Variants in GPHN observed in about 807,000 individuals in gnomAD.
The protein encoded by GPHN is gephyrin.
In GPHN, 17 loss-of-function variants were observed where a neutral mutation model predicts 95.5. The ratio of observed to expected loss-of-function variants is 0.18; its 90% CI spans 0.12 to 0.27. The LOEUF is 0.27. GPHN is among the 10% of genes least tolerant of loss of function. The pLI is 1.00. For synonymous variants in GPHN, 320 were observed against 322.5 expected, an observed-to-expected ratio of 0.99 and a Z score of 0.08; for missense variants, 660 against 978.1, an observed-to-expected ratio of 0.67 and a Z score of 4.34.
the GPHN span, among the ~76,000 whole-genome samples, chr14:67,456,895 T>C: frequency 1.3e-5 from 2 of 152,208 alleles, no homozygotes; most frequent in South Asian, 4.2e-4. Context: ...TCATTTATGG[T>C]GGAGTGGATA....
chr14:66,910,251 T>C (rs1185188672), intron 5 of GPHN, among the ~76,000 whole-genome samples: 1 of 151,964 alleles, frequency 6.6e-6, no homozygotes, highest in East Asian at 1.9e-4. Flanking sequence ...AGAGACTTTA[T>C]CTCAACCTTT....
chr14:66,829,724 A>C (rs2061514317), intron 4 of GPHN, among the ~76,000 whole-genome samples: 1 of 152,180 alleles, frequency 6.6e-6, no homozygotes, highest in South Asian at 2.1e-4. Context: ...GTTGAGTAAA[A>C]GCCTAGCATA....
At chr14:66,937,677 G>A (rs145997975) in intron 8 of GPHN, among the ~76,000 whole-genome samples, 66 of 152,106 alleles carry the variant, frequency 4.3e-4, no homozygotes, top group African/African-American at 1.4e-3. Flanking sequence ...GCACCTGGCC[G>A]CAAGATTATT....
intron 4 of GPHN, among the ~76,000 whole-genome samples, chr14:66,838,579 G>A (rs1279217145): frequency 6.6e-6 from 1 of 151,996 alleles, no homozygotes; most frequent in Non-Finnish European, 1.5e-5. Context: ...GAATACTTTG[G>A]TTTTGCAAAA....
intron 1 of GPHN, among the ~76,000 whole-genome samples, chr14:66,511,061 TC>T (rs2058024615): frequency 6.6e-6 from 1 of 152,204 alleles, no homozygotes; most frequent in Non-Finnish European, 1.5e-5. Context: ...TCAGGCTTTT[TC>T]TTGAAAGTTG....
the GPHN span, among the ~76,000 whole-genome samples, chr14:67,421,376 C>T: frequency 6.6e-6 from 1 of 152,098 alleles, no homozygotes; most frequent in Non-Finnish European, 1.5e-5. Context: ...TCAGACTGAG[C>T]TTATGTGGAC....
At chr14:67,120,097 G>A (rs1490157499) in intron 16 of GPHN, among the ~76,000 whole-genome samples, 1 of 149,624 alleles carries the variant, frequency 6.7e-6, no homozygotes, top group Non-Finnish European at 1.5e-5. Context: ...CTGCATTCCA[G>A]CCTGTGCAAC....
At chr14:66,703,221 A>C (rs751178351) in intron 2 of GPHN, among the ~76,000 whole-genome samples, 1 of 152,188 alleles carries the variant, frequency 6.6e-6, no homozygotes, top group Non-Finnish European at 1.5e-5. Context: ...TGGAAAACAC[A>C]CTTCAGGATA....
chr14:67,342,954 AT>A, the GPHN span, among the ~76,000 whole-genome samples: 1 of 152,140 alleles, frequency 6.6e-6, no homozygotes, highest in African/African-American at 2.4e-5. Context: ...CAAATGGGAA[AT>A]TTTTTAGAAA....
At position 66,581,228 on chromosome 14, in the gene GPHN, TA is replaced by T. The variant is rs55870261; in HGVS notation, c.64+72651del. Among the ~76,000 whole-genome samples, 927 of 138,760 alleles carry T rather than the reference TA, an allele frequency of 6.7e-3. 8 individuals are homozygous for T. The highest frequency in any genetic ancestry group is 0.014 in the African/African-American group (538 of 38,800). 91.0% of individuals were successfully genotyped at this position (138,760 alleles called of 152,430 possible). Reference sequence around the variant, plus strand: ...ACTCAACAGTAGGAAGGTGAAGATGTAAAAAAAAAAAAAAGATGTAAATTAC... The same window carrying T: ...ACTCAACAGTAGGAAGGTGAAGATGTAAAAAAAAAAAAAGATGTAAATTAC... On this transcript the variant is annotated intron_variant, in intron 1 of 22. Transcript: ENST00000478722.
intron 1 of GPHN, among the ~76,000 whole-genome samples, chr14:66,523,628 GT>G (rs2058565421): frequency 1.3e-5 from 2 of 151,974 alleles, no homozygotes; most frequent in South Asian, 4.1e-4. Context: ...CTAAGCTTTA[GT>G]TTTTTTCATC....
At chr14:66,576,860 T>C (rs1280476289) in intron 1 of GPHN, among the ~76,000 whole-genome samples, 1 of 152,198 alleles carries the variant, frequency 6.6e-6, no homozygotes, top group Admixed American at 6.5e-5. Context: ...CTAGAATGAA[T>C]TCCAACCATT....
chr14:66,813,146 A>T (rs2153484189), intron 3 of GPHN, among the ~76,000 whole-genome samples: 1 of 152,348 alleles, frequency 6.6e-6, no homozygotes, highest in East Asian at 1.9e-4. Context: ...TACCACGTTT[A>T]ATTTTTTGTG....
At chr14:67,319,837 A>G in the GPHN span, among the ~76,000 whole-genome samples, 1 of 152,228 alleles carries the variant, frequency 6.6e-6, no homozygotes, top group African/African-American at 2.4e-5. Context: ...CAGCGTATAC[A>G]TTATGTCTGA....
the GPHN span, chr14:67,647,798 T>A: frequency 8.4e-6 from 4 of 473,622 alleles, no homozygotes; most frequent in South Asian, 1.2e-4. Context: ...GAAATATACA[T>A]TGGAGTTAGT....
the GPHN span, among the ~76,000 whole-genome samples, chr14:67,597,145 C>A: frequency 6.6e-6 from 1 of 152,182 alleles, no homozygotes; most frequent in Non-Finnish European, 1.5e-5. Flanking sequence ...ATGAGACAGA[C>A]CCCACAGAAC....
the GPHN span, chr14:67,225,415 G>A: frequency 3.9e-6 from 2 of 510,552 alleles, no homozygotes; most frequent in Admixed American, 4.2e-5. Context: ...GGGGTTTGTT[G>A]TGGTTTCTGC....
chr14:67,657,375 G>A, the GPHN span, among the ~76,000 whole-genome samples: 1 of 152,156 alleles, frequency 6.6e-6, no homozygotes, highest in African/African-American at 2.4e-5. Flanking sequence ...GGGTGATTTG[G>A]TCTCAGGGAA....
At chr14:66,931,545 T>A (rs1596409696) in intron 8 of GPHN, among the ~76,000 whole-genome samples, 1 of 152,172 alleles carries the variant, frequency 6.6e-6, no homozygotes, top group African/African-American at 2.4e-5. Flanking sequence ...TGCTTCATTA[T>A]TTTTTATTCT....
Sources: gnomAD v4.1 joint callset for allele counts (sites outside exome capture counted in the v4.1 genomes callset) on GRCh38, gnomAD v4.1.1 for gene constraint, MANE v1.5 for transcripts, NCBI Gene and HGNC (gene_info 2026-07-23, HGNC 2026-07-21) for gene names.